Variants in STAM2 observed in about 807,000 individuals in gnomAD.
STAM2 encodes the protein signal transducing adapter molecule 2.
A neutral mutation model predicts 65.6 loss-of-function variants in STAM2; 51 were observed. The observed-to-expected ratio is 0.78, with a 90% CI of 0.62 to 0.98. STAM2 has a LOEUF of 0.98. Ranked by LOEUF, STAM2 falls within the 50% of genes least tolerant of loss-of-function variation. The probability of loss-of-function intolerance (pLI) is 0.00; values close to 1 mark genes in which losing one functional copy is unlikely to be tolerated. For missense variants in STAM2, 584 were observed against 617.8 expected (o/e 0.95, Z 0.58); for synonymous variants, 198 against 208.4 (o/e 0.95, Z 0.43).
Position 152,133,262 on chromosome 2 carries a change from T to TA in STAM2, c.883-3dup. 6.2e-7 allele frequency: 1 copy of TA among 1,603,554 alleles called. No individual in the cohort carries two copies. Among genetic ancestry groups the TA allele is most frequent in the Non-Finnish European group, 8.5e-7 (1 of 1,175,166 alleles). ...CTGCAGGGCTCTATCCATCTTATCC[T>TA]AAAAAAGTAACAGGACACTTTTCAA... On this transcript the variant is annotated splice_region_variant and splice_polypyrimidine_tract_variant and intron_variant, in intron 9 of 13. Transcript: ENST00000263904.
intron 11 of STAM2, among the ~76,000 whole-genome samples, chr2:152,130,129 T>C (rs1689031891): frequency 6.6e-6 from 1 of 152,224 alleles, no homozygotes; most frequent in Non-Finnish European, 1.5e-5. Flanking sequence ...CTTGTTTTCC[T>C]TTCACTACAG....
chr2:152,167,852 G>A (rs1358611751), intron 1 of STAM2, among the ~76,000 whole-genome samples: 2 of 152,178 alleles, frequency 1.3e-5, no homozygotes, highest in Admixed American at 6.5e-5. Context: ...AGAGGCTGCA[G>A]TGAGCTGAGA....
rs757938681 is a variant in STAM2 at position 152,148,268 on chromosome 2, C to T, written c.158G>A (p.Arg53Lys). The T allele has an allele frequency of 6.2e-7, 1 of 1,611,176 alleles. No individual in the cohort carries two copies. Among genetic ancestry groups the T allele is most frequent in the African/African-American group, 1.3e-5 (1 of 74,698 alleles). The change falls in exon 3 of 14, where the codon AGG (arginine) becomes AAG (lysine). Residue 53 changes from arginine (R) to lysine (K), a missense_variant. Coordinates refer to ENST00000263904, the MANE Select transcript of STAM2 (RefSeq NM_005843.6). ...AKDCLKAIMKRVNHKVPHVAL... is the reference protein window; with the variant it reads ...AKDCLKAIMKKVNHKVPHVAL... ...AACATGTGGAACCTTATGATTTACCCTTTTCATTATGGCTTTTAGGCAATC... is the reference window on the plus strand; with the variant it reads ...AACATGTGGAACCTTATGATTTACCTTTTTCATTATGGCTTTTAGGCAATC...
At chr2:152,129,793 T>C (rs1235401036) in intron 11 of STAM2, among the ~76,000 whole-genome samples, 3 of 152,220 alleles carry the variant, frequency 2.0e-5, no homozygotes, top group South Asian at 2.1e-4. Flanking sequence ...ACATGCTGCA[T>C]TGAAACAAAG....
chr2:152,166,271 C>T (rs536812790), intron 1 of STAM2, among the ~76,000 whole-genome samples: 1 of 152,018 alleles, frequency 6.6e-6, no homozygotes, highest in South Asian at 2.1e-4. Flanking sequence ...AAATTTCTGA[C>T]ATAAAACTGG....
At chr2:152,124,004 G>T (rs927105528) in intron 12 of STAM2, 69 bp from the exon 13 acceptor site, 1 of 1,311,140 alleles carries the variant, frequency 7.6e-7, no homozygotes, top group Non-Finnish European at 1.1e-6. Context: ...TATTTAAAAT[G>T]TTAAAAGACT....
chr2:152,151,011 T>C (rs777653085), intron 1 of STAM2, among the ~76,000 whole-genome samples: 2 of 151,440 alleles, frequency 1.3e-5, no homozygotes, highest in African/African-American at 4.9e-5. Flanking sequence ...CTGTTTTCAA[T>C]AGCAAAAAGG....
chr2:152,155,289 G>C (rs2105555785), intron 1 of STAM2, among the ~76,000 whole-genome samples: 1 of 152,346 alleles, frequency 6.6e-6, no homozygotes, highest in South Asian at 2.1e-4. Context: ...AACAACAGCA[G>C]AGCTTTTGAG....
At chr2:152,125,926 A>G (rs531519369) in intron 12 of STAM2, 1 of 201,694 alleles carries the variant, frequency 5.0e-6, no homozygotes, top group Non-Finnish European at 9.8e-6. Context: ...ATGTTTACAT[A>G]AAAGATTTAT....
intron 1 of STAM2, among the ~76,000 whole-genome samples, chr2:152,156,263 C>T (rs1176240471): frequency 6.6e-6 from 1 of 152,120 alleles, no homozygotes; most frequent in Admixed American, 6.5e-5. Context: ...ATATAAGACT[C>T]ACAATTACTC....
intron 12 of STAM2, chr2:152,124,821 G>C (rs16830728): frequency 1.3e-5 from 2 of 152,068 alleles, no homozygotes; most frequent in Non-Finnish European, 2.9e-5. Flanking sequence ...GAGACTGTGA[G>C]AATCAGCGTC....
chr2:152,148,160 TTAAC>T (rs771297509), intron 3 of STAM2, 38 bp from the exon 4 acceptor site: 4 of 1,590,094 alleles, frequency 2.5e-6, no homozygotes, highest in South Asian at 2.3e-5. Flanking sequence ...TATTGAAATA[TTAAC>T]TTACTGTAAT....
In STAM2 at chr2:152,133,396, C is replaced by A. The variant is rs201368265; in HGVS notation, c.882+6G>T. On this transcript the variant is annotated splice_donor_region_variant and intron_variant, in intron 9 of 13. Coordinates refer to ENST00000263904, the MANE Select transcript of STAM2 (RefSeq NM_005843.6). Reference sequence around the variant, plus strand: ...GTTTAACTATTAAACAAAAGAGGGACCCTACCTCATCTATATAAACAGGCT... The same window carrying A: ...GTTTAACTATTAAACAAAAGAGGGAACCTACCTCATCTATATAAACAGGCT... 84 of 1,607,066 alleles carry A rather than the reference C, an allele frequency of 5.2e-5. No individual in the cohort carries two copies. Among genetic ancestry groups the A allele is most frequent in the Non-Finnish European group, 7.1e-5 (83 of 1,175,434 alleles).
chr2:152,149,264 T>C (rs1200324867), intron 2 of STAM2, among the ~76,000 whole-genome samples: 3 of 152,174 alleles, frequency 2.0e-5, no homozygotes, highest in Non-Finnish European at 4.4e-5. Flanking sequence ...ATGTATCCTA[T>C]TGTGTCAAGG....
Position 152,120,433 on chromosome 2 carries a change from G to T in STAM2, c.*141C>A. 12 of 578,110 alleles carry T rather than the reference G, an allele frequency of 2.1e-5. No individual in the cohort carries two copies. The highest frequency in any genetic ancestry group is 3.1e-5 in the Admixed American group (1 of 31,912). The allele number at this position is 578,110 out of a possible 1,614,324, so 35.8% of individuals were successfully genotyped here. On this transcript the variant is annotated 3_prime_UTR_variant, in exon 14 of 14. Coordinates refer to ENST00000263904, the MANE Select transcript of STAM2 (RefSeq NM_005843.6). ...AAAAAAAACCTTTTATGGCCTTGTA[G>T]AATAAGAGAGGTTTTTGTGCTTTAT...
intron 1 of STAM2, among the ~76,000 whole-genome samples, chr2:152,151,245 G>A (rs1049721478): frequency 6.8e-6 from 1 of 147,794 alleles, no homozygotes; most frequent in Admixed American, 6.9e-5. Context: ...GCAATGGCAC[G>A]ATCTCAGCTC....
chr2:152,174,769 G>A (rs1689979329), intron 1 of STAM2, among the ~76,000 whole-genome samples: 1 of 152,152 alleles, frequency 6.6e-6, no homozygotes, highest in Admixed American at 6.5e-5. Flanking sequence ...TGAGGTGGGA[G>A]GAATTCTAGT....
At chr2:152,125,092 C>T (rs1234721912) in intron 12 of STAM2, among the ~76,000 whole-genome samples, 1 of 152,148 alleles carries the variant, frequency 6.6e-6, no homozygotes, top group Non-Finnish European at 1.5e-5. Flanking sequence ...TGGCAAATAA[C>T]CCTTTACAGA....
chr2:152,126,048 G>C, intron 12 of STAM2, 178 bp downstream of exon 12: 1 of 484,856 alleles, frequency 2.1e-6, no homozygotes, highest in Non-Finnish European at 3.5e-6. Flanking sequence ...ATCAGTATCT[G>C]TCTAATTTGC....
Sources: gnomAD v4.1 joint callset for allele counts (sites outside exome capture counted in the v4.1 genomes callset) on GRCh38, gnomAD v4.1.1 for gene constraint, MANE v1.5 for transcripts, NCBI Gene and HGNC (gene_info 2026-07-23, HGNC 2026-07-21) for gene names.